MEGF11: variants seen among roughly 807,000 people sequenced by gnomAD.
MEGF11 encodes the protein multiple epidermal growth factor-like domains protein 11.
MEGF11 carries 126 observed loss-of-function variants against 146.6 expected under a neutral mutation model. The observed-to-expected ratio is 0.86, with a 90% confidence interval of 0.74 to 1.00. The LOEUF (loss-of-function observed/expected upper bound fraction) is 1.00. MEGF11 is among the 50% of genes least tolerant of loss of function. The pLI is 0.00. For missense variants in MEGF11, 1,509 were observed against 1,521.2 expected (o/e 0.99, Z 0.13); for synonymous variants, 532 against 583.4 (o/e 0.91, Z 1.27).
rs1379488456 is a variant in MEGF11, at chr15:66,115,134, C to T, written c.301+3952G>A. 1.4e-4 allele frequency among the ~76,000 whole-genome samples: 22 copies of T among 152,218 alleles called. 1 individual carries two copies. Among genetic ancestry groups the T allele is most frequent in the Admixed American group, 1.4e-3 (22 of 15,292 alleles). ...GTGACTCTGAAGGGAAGATGACATC[C>T]TCCCGCCCTGCCCAGGGCACAGGTG... On this transcript the variant is annotated intron_variant, in intron 4 of 25. Coordinates refer to ENST00000395614, the MANE Select transcript of MEGF11 (RefSeq NM_001385028.1).
At chr15:66,029,164 T>C (rs1156817946) in intron 5 of MEGF11, among the ~76,000 whole-genome samples, 1 of 152,096 alleles carries the variant, frequency 6.6e-6, no homozygotes, top group Non-Finnish European at 1.5e-5. Context: ...TTGTTTTTTT[T>C]TTTGGGTGCC....
At chr15:65,950,636 TAAAAG>T (rs1285813055) in intron 10 of MEGF11, among the ~76,000 whole-genome samples, 6 of 146,528 alleles carry the variant, frequency 4.1e-5, no homozygotes, top group Non-Finnish European at 7.5e-5. Context: ...CAAAAGGAAA[TAAAAG>T]AAACTAGGGG....
chr15:65,993,071 T>C (rs1032080381), intron 5 of MEGF11, among the ~76,000 whole-genome samples: 4 of 152,156 alleles, frequency 2.6e-5, no homozygotes, highest in Admixed American at 6.5e-5. Flanking sequence ...ACGGTGCTGA[T>C]CACGGAGGCT....
intron 1 of MEGF11, among the ~76,000 whole-genome samples, chr15:66,206,519 A>G (rs1047538414): frequency 1.3e-5 from 2 of 152,164 alleles, no homozygotes; most frequent in African/African-American, 4.8e-5. Context: ...AAAGATGAAG[A>G]AAAACAATTG....
intron 7 of MEGF11, among the ~76,000 whole-genome samples, chr15:65,979,664 T>G (rs568631042): frequency 3.9e-5 from 6 of 152,306 alleles, no homozygotes; most frequent in Non-Finnish European, 7.3e-5. Context: ...AGGCAGGGTA[T>G]GTTGGCTAAA....
intron 1 of MEGF11, among the ~76,000 whole-genome samples, chr15:66,252,538 C>T (rs1338883535): frequency 1.3e-5 from 2 of 152,140 alleles, no homozygotes; most frequent in African/African-American, 4.8e-5. Context: ...GACGCGGCTG[C>T]CGCTGGATGG....
chr15:66,119,174 C>G lies in MEGF11; in HGVS notation c.213G>C (p.Lys71Asn). ...FKCTRHRISY[K>N]TAYRRGLRTM... is the part of the protein sequence containing the mutation. ...TCCGGAGGCCTCTCCGATACGCCGT[C>G]TTATAACTGATCCTAAGGCACAAGG... Residue 71 changes from lysine (K) to asparagine (N), a missense_variant, in exon 4 of 26, where the codon AAG (lysine) becomes AAC (asparagine). Lys to Asn is a moderately conservative substitution (Grantham distance 94, BLOSUM62 0). Coordinates refer to ENST00000395614, the MANE Select transcript of MEGF11 (RefSeq NM_001385028.1). 1 of 1,551,178 alleles carries G rather than the reference C, an allele frequency of 6.4e-7. No homozygotes were observed. Among genetic ancestry groups the G allele is most frequent in the Admixed American group, 2.0e-5 (1 of 51,002 alleles).
chr15:66,014,670 C>T (rs1391084101), intron 5 of MEGF11, among the ~76,000 whole-genome samples: 1 of 152,192 alleles, frequency 6.6e-6, no homozygotes, highest in African/African-American at 2.4e-5. Context: ...ACCCTACTCC[C>T]ACCCCACCCC....
intron 4 of MEGF11, among the ~76,000 whole-genome samples, chr15:66,103,939 C>T (rs1316947674): frequency 6.6e-6 from 1 of 152,228 alleles, no homozygotes; most frequent in Non-Finnish European, 1.5e-5. Context: ...TTTTCTGCAT[C>T]AGTGCCCTGG....
intron 10 of MEGF11, among the ~76,000 whole-genome samples, chr15:65,955,781 T>TATAG (rs1567175025): frequency 4.8e-4 from 4 of 8,250 alleles, no homozygotes; most frequent in Non-Finnish European, 1.6e-3. Context: ...TATATATATA[T>TATAG]ATATATATAT....
At chr15:66,100,104 C>T (rs992660399) in intron 4 of MEGF11, among the ~76,000 whole-genome samples, 4 of 152,310 alleles carry the variant, frequency 2.6e-5, no homozygotes, top group Non-Finnish European at 5.9e-5. Context: ...GCTTGTACCC[C>T]AAGGTCCCCC....
chr15:65,986,771 ATTGGGCT>A (rs2081870262), intron 5 of MEGF11, among the ~76,000 whole-genome samples: 1 of 123,260 alleles, frequency 8.1e-6, no homozygotes, highest in Non-Finnish European at 1.8e-5. Flanking sequence ...TCCTAATTAT[ATTGGGCT>A]TTGGCTGATT....
intron 5 of MEGF11, among the ~76,000 whole-genome samples, chr15:66,055,618 T>C (rs1035826486): frequency 1.3e-5 from 2 of 152,258 alleles, no homozygotes; most frequent in African/African-American, 4.8e-5. Context: ...CTATTTATAA[T>C]GTTTGGTAAC....
In MEGF11 at chr15:66,053,714, A is replaced by ATTTTTTT. The variant is rs2084549697; in HGVS notation, c.394+40687_394+40688insAAAAAAA. Among the ~76,000 whole-genome samples, 2 of 42,268 alleles carry ATTTTTTT rather than the reference A, an allele frequency of 4.7e-5. 1 individual carries two copies. The allele number at this position is 42,268 out of a possible 152,430, so 27.7% of individuals were successfully genotyped here. A position where few individuals can be genotyped will look rare whatever the true frequency, so the allele number is the denominator to read the frequency against. ...ACTCAGCTCCCCCTCCCCTGGCACC[A>ATTTTTTT]ATTTTTTTTTTTTTTTTTTTTTTTT... On this transcript the variant is annotated intron_variant, in intron 5 of 25. Transcript: ENST00000395614.
chr15:66,131,000 T>C (rs2140972420), intron 1 of MEGF11, among the ~76,000 whole-genome samples: 1 of 152,312 alleles, frequency 6.6e-6, no homozygotes, highest in South Asian at 2.1e-4. Flanking sequence ...ATTTAGGGCA[T>C]TAATAATTAA....
chr15:66,187,606 G>T, intron 1 of MEGF11, among the ~76,000 whole-genome samples: 1 of 152,298 alleles, frequency 6.6e-6, no homozygotes. Flanking sequence ...GTACTCACAC[G>T]CAAAGCACGG....
chr15:65,903,562 A>T (rs1358879599), intron 24 of MEGF11, among the ~76,000 whole-genome samples: 1 of 152,176 alleles, frequency 6.6e-6, no homozygotes, highest in Non-Finnish European at 1.5e-5. Context: ...AAGACCCAGA[A>T]AACAGTGCTG....
intron 5 of MEGF11, among the ~76,000 whole-genome samples, chr15:66,019,713 G>A (rs975386726): frequency 3.3e-5 from 5 of 152,226 alleles, no homozygotes; most frequent in African/African-American, 1.2e-4. Context: ...TCGGGTATGC[G>A]ACCTCACTCG....
chr15:66,034,120 T>C (rs1310705643), intron 5 of MEGF11, among the ~76,000 whole-genome samples: 2 of 152,264 alleles, frequency 1.3e-5, no homozygotes, highest in Admixed American at 1.3e-4. Context: ...TTCTTCTTGC[T>C]AATTCCTCCC....
Sources: gnomAD v4.1 joint callset for allele counts (sites outside exome capture counted in the v4.1 genomes callset) on GRCh38, gnomAD v4.1.1 for gene constraint, MANE v1.5 for transcripts, NCBI Gene and HGNC (gene_info 2026-07-23, HGNC 2026-07-21) for gene names.